The following FANCC variants were observed in gnomAD, a reference collection of about 807,000 sequenced individuals.
FANCC encodes the protein Fanconi anemia group C protein.
A neutral mutation model predicts 71.3 loss-of-function variants in FANCC; 55 were observed. The ratio of observed to expected loss-of-function variants is 0.77; its 90% CI spans 0.62 to 0.97. The LOEUF is 0.97. Ranked by LOEUF, FANCC falls within the 50% of genes least tolerant of loss-of-function variation. The pLI is 0.00. For missense variants in FANCC, 678 were observed against 670.9 expected (o/e 1.01, Z -0.12); for synonymous variants, 275 against 244.9 (o/e 1.12, Z -1.15).
rs1342887026 is a variant in FANCC, at chr9:95,109,437, C to G, written c.1329+2026G>C. ...ACCACAGGGTTAAAGGGTATGAACCCTTGCCTGATTTTTTTTTTTCCTTTT... is the reference window on the plus strand; with the variant it reads ...ACCACAGGGTTAAAGGGTATGAACCGTTGCCTGATTTTTTTTTTTCCTTTT... On this transcript the variant is annotated intron_variant, in intron 13 of 14. Coordinates refer to ENST00000289081, the MANE Select transcript of FANCC (RefSeq NM_000136.3). Among the ~76,000 whole-genome samples, 5 of 152,106 alleles carry G rather than the reference C, an allele frequency of 3.3e-5. No individual in the cohort carries two copies. In the East Asian group the frequency reaches 9.6e-4, roughly 29 times the overall value.
rs1825658632 is a variant in FANCC at position 95,171,212 on chromosome 9, G to A, written c.457-69C>T. 1.2e-5 allele frequency: 15 copies of A among 1,202,048 alleles called. No individual in the cohort carries two copies. The Middle Eastern group carries it at 9.4e-4, about 75-fold the overall frequency. The allele number at this position is 1,202,048 out of a possible 1,614,324, so 74.5% of individuals were successfully genotyped here. ...GGATTACATCAGTTCTATTTTTCTT[G>A]GTGTGAGTGATATTTCCGTTGAGAT... is the stretch of plus-strand genomic sequence containing the variant. On this transcript the variant is annotated intron_variant, in intron 5 of 14. Coordinates refer to ENST00000289081, the MANE Select transcript of FANCC (RefSeq NM_000136.3).
intron 4 of FANCC, among the ~76,000 whole-genome samples, chr9:95,230,508 C>T (rs966445370): frequency 2.0e-5 from 3 of 152,114 alleles, no homozygotes; most frequent in Admixed American, 1.3e-4. Context: ...CGCGGACTCT[C>T]GCAGTGAGTG....
intron 6 of FANCC, among the ~76,000 whole-genome samples, chr9:95,162,472 A>T (rs1830809304): frequency 6.6e-6 from 1 of 152,236 alleles, no homozygotes; most frequent in Non-Finnish European, 1.5e-5. Context: ...AATATACACA[A>T]ATATGGGATT....
chr9:95,150,127 C>T, intron 6 of FANCC, 40 bp from the exon 7 acceptor site: 7 of 1,609,352 alleles, frequency 4.3e-6, no homozygotes, highest in Non-Finnish European at 5.1e-6. Context: ...AATCTAAGAG[C>T]CATGCATAAT....
chr9:95,209,351 G>C (rs1828348495), intron 4 of FANCC, among the ~76,000 whole-genome samples: 1 of 152,194 alleles, frequency 6.6e-6, no homozygotes, highest in South Asian at 2.1e-4. Context: ...ACACTACCCA[G>C]AGTGAGCCCT....
At chr9:95,194,346 C>G (rs1827285952) in intron 4 of FANCC, among the ~76,000 whole-genome samples, 1 of 152,156 alleles carries the variant, frequency 6.6e-6, no homozygotes, top group African/African-American at 2.4e-5. Context: ...ATTACACTGT[C>G]TCCTGGCTTC....
At position 95,125,092 on chromosome 9, in the gene FANCC, G is replaced by C. The variant is rs374915316; in HGVS notation, c.990C>G (p.Ser330Arg). The C allele has an allele frequency of 6.2e-6, 10 of 1,613,670 alleles. No homozygotes were observed. The African/African-American group carries it at 1.2e-4, about 19-fold the overall frequency. ...TATATGTGATATAACAAACCTGCTT[G>C]CTTGCTTTCTCCAGAGCTTCTACAA... is the stretch of plus-strand genomic sequence containing the variant. ...QCFVEALEKASKQLRFALKTY... is the reference protein window; with the variant it reads ...QCFVEALEKARKQLRFALKTY... Residue 330 changes from serine (S) to arginine (R), a missense_variant, in exon 10 of 15, where the codon AGC becomes AGG. Coordinates refer to ENST00000289081, the MANE Select transcript of FANCC (RefSeq NM_000136.3).
At chr9:95,280,114 A>G (rs951983977) in intron 1 of FANCC, among the ~76,000 whole-genome samples, 1 of 152,174 alleles carries the variant, frequency 6.6e-6, no homozygotes, top group Non-Finnish European at 1.5e-5. Context: ...GCAAACATAC[A>G]AAAACAAGAA....
intron 4 of FANCC, among the ~76,000 whole-genome samples, chr9:95,200,038 G>A (rs556429971): frequency 2.7e-4 from 41 of 151,868 alleles, no homozygotes; most frequent in Admixed American, 4.6e-4. Context: ...CTTTTATTTC[G>A]GTGTAAATTC....
intron 6 of FANCC, among the ~76,000 whole-genome samples, chr9:95,161,679 T>C (rs1253225523): frequency 6.6e-6 from 1 of 152,158 alleles, no homozygotes; most frequent in African/African-American, 2.4e-5. Context: ...TTTTTAACTA[T>C]ACAGTACAGT....
intron 1 of FANCC, among the ~76,000 whole-genome samples, chr9:95,282,270 T>C (rs1295836024): frequency 6.6e-6 from 1 of 152,128 alleles, no homozygotes; most frequent in Non-Finnish European, 1.5e-5. Flanking sequence ...TTATATCAGA[T>C]AAAATAGACT....
At chr9:95,131,898 A>AG (rs1331855071) in intron 8 of FANCC, among the ~76,000 whole-genome samples, 1 of 152,182 alleles carries the variant, frequency 6.6e-6, no homozygotes, top group Non-Finnish European at 1.5e-5. Flanking sequence ...CTGGAGAATG[A>AG]GGGAAAAAAA....
intron 1 of FANCC, among the ~76,000 whole-genome samples, chr9:95,308,045 G>A (rs1471980083): frequency 1.3e-5 from 2 of 152,170 alleles, no homozygotes; most frequent in Non-Finnish European, 2.9e-5. Context: ...ATGTACATCA[G>A]TAATACCTTA....
At chr9:95,221,871 T>C (rs1426416107) in intron 4 of FANCC, among the ~76,000 whole-genome samples, 1 of 152,140 alleles carries the variant, frequency 6.6e-6, no homozygotes, top group Admixed American at 6.5e-5. Flanking sequence ...GAGGTGTTGG[T>C]GAACATGTAC....
At chr9:95,172,254 C>CA (rs909128381) in intron 4 of FANCC, 107 bp from the exon 5 acceptor site, 12 of 664,320 alleles carry the variant, frequency 1.8e-5, no homozygotes, top group African/African-American at 1.3e-4. Context: ...CTCTATGAAA[C>CA]AAAAAAATCT....
intron 13 of FANCC, chr9:95,111,191 A>C (rs1184830244): frequency 1.3e-6 from 2 of 1,536,048 alleles, no homozygotes; most frequent in Non-Finnish European, 1.7e-6. Flanking sequence ...CTGAGCAATA[A>C]CAGATCAAAT....
At chr9:95,181,176 TGTGTGTGTG>T (rs1564729391) in intron 4 of FANCC, among the ~76,000 whole-genome samples, 1 of 150,730 alleles carries the variant, frequency 6.6e-6, no homozygotes, top group African/African-American at 2.5e-5. Flanking sequence ...TGTGTGTGTG[TGTGTGTGTG>T]TGTGTATGAA....
chr9:95,254,992 G>C (rs1199512190), intron 1 of FANCC, among the ~76,000 whole-genome samples: 1 of 152,130 alleles, frequency 6.6e-6, no homozygotes, highest in East Asian at 1.9e-4. Flanking sequence ...GCTGTAGCCA[G>C]ACTGCCTCTC....
rs1830583670 is a variant in FANCC at position 95,240,701 on chromosome 9, A to G, written c.293T>C (p.Ile98Thr). Residue 98 changes from isoleucine to threonine, a missense_variant, in exon 4 of 15, where the codon ATT becomes ACT. Ile to Thr is a moderately conservative substitution (Grantham distance 89). Transcript: ENST00000289081. ...KILIWCLCCL[I>T]NKEPQNSGQS... ...TCCAGAATTCTGTGGTTCTTTGTTA[A>G]TTAGACAACATAAGCACCATATTAG... The G allele has an allele frequency of 6.2e-7, 1 of 1,613,384 alleles. No individual in the cohort carries two copies. The highest frequency in any genetic ancestry group is 1.3e-5 in the African/African-American group (1 of 75,020).
Sources: allele counts gnomAD v4.1 joint callset (sites outside exome capture counted in the v4.1 genomes callset), GRCh38; gene constraint gnomAD v4.1.1; transcripts MANE v1.5; gene names NCBI Gene and HGNC (gene_info 2026-07-23, HGNC 2026-07-21).